TBC1D32: variants seen among roughly 807,000 people sequenced by gnomAD.
TBC1D32 encodes the protein TBC1 domain family member 32.
TBC1D32 carries 151 observed loss-of-function variants against 170.3 expected under a neutral mutation model. The ratio of observed to expected loss-of-function variants is 0.89; its 90% confidence interval spans 0.78 to 1.01. The LOEUF (loss-of-function observed/expected upper bound fraction) is 1.01, where lower values mean the gene tolerates loss of function less well. Ranked by LOEUF, TBC1D32 falls within the 50% of genes least tolerant of loss-of-function variation. The probability of loss-of-function intolerance (pLI) is 0.00; values close to 1 mark genes in which losing one functional copy is unlikely to be tolerated. For missense variants in TBC1D32, 1,464 were observed against 1,457.1 expected (o/e 1.00, Z -0.08); for synonymous variants, 498 against 488.0 (o/e 1.02, Z -0.27).
At position 121,185,715 on chromosome 6, in the gene TBC1D32, AAAC is replaced by A. The variant is rs530404108; in HGVS notation, c.2570+19357_2570+19359del. On this transcript the variant is annotated intron_variant, in intron 22 of 31. Transcript: ENST00000398212. ...TCCTTGGCTACTATGCTTTTCTATC[AAAC>A]ATTATCTTACTATGGACTTTCTAGG... 2.5e-3 allele frequency among the ~76,000 whole-genome samples: 373 copies of A among 152,198 alleles called. 1 individual carries two copies. Among genetic ancestry groups the A allele is most frequent in the Non-Finnish European group, 3.9e-3 (265 of 67,978 alleles).
chr6:121,293,859 C>T (rs1239214066), intron 11 of TBC1D32, among the ~76,000 whole-genome samples: 1 of 152,018 alleles, frequency 6.6e-6, no homozygotes, highest in Non-Finnish European at 1.5e-5. Context: ...TGCAGTGAGT[C>T]CAGATCATGC....
chr6:121,139,632 GA>G (rs571614631), intron 24 of TBC1D32: 189 of 152,034 alleles, frequency 1.2e-3, no homozygotes, highest in African/African-American at 4.4e-3. Flanking sequence ...TTGTTCTAGT[GA>G]AAAAAATAGA....
chr6:121,235,921 G>A (rs1005788592), intron 20 of TBC1D32, among the ~76,000 whole-genome samples: 12 of 152,158 alleles, frequency 7.9e-5, no homozygotes, highest in African/African-American at 2.9e-4. Flanking sequence ...TCTTAAAGAT[G>A]GCACATAGTT....
At position 121,282,753 on chromosome 6, in the gene TBC1D32, A is replaced by T. The variant is rs1803201646; in HGVS notation, c.1465+1065T>A. 2.6e-5 allele frequency among the ~76,000 whole-genome samples: 4 copies of T among 151,958 alleles called. No individual in the cohort carries two copies. In the South Asian group the frequency reaches 8.3e-4, roughly 31 times the overall value. On this transcript the variant is annotated intron_variant, in intron 13 of 31. Coordinates refer to ENST00000398212, the MANE Select transcript of TBC1D32 (RefSeq NM_152730.6). ...AAAGTAAATAAGACAAAAACAGTCC[A>T]CATCATGGTAAACCAATATATAAAC...
chr6:121,305,696 C>T (rs929978360), intron 5 of TBC1D32, among the ~76,000 whole-genome samples: 3 of 152,166 alleles, frequency 2.0e-5, no homozygotes, highest in East Asian at 1.9e-4. Context: ...GTTGCAGCAA[C>T]TGATAGGTAT....
At chr6:121,242,176 G>A in intron 18 of TBC1D32, 25 bp downstream of exon 18, 1 of 1,604,072 alleles carries the variant, frequency 6.2e-7, no homozygotes. Flanking sequence ...AATTCCCTTT[G>A]CCTTTGGCAG....
rs148545247 is a variant in TBC1D32, at chr6:121,305,536, TG to T, written c.691-704del. Among the ~76,000 whole-genome samples the T allele has an allele frequency of 1.2e-3, 189 of 151,606 alleles. 10 individuals are homozygous for T. The East Asian group carries it at 0.023, about 18-fold the overall frequency. ...TAAAATTGCCTTAAATAGTCTAATC[TG>T]GGGGGGGATTAATAACACTGTTGAT... is the stretch of plus-strand genomic sequence containing the variant. On this transcript the variant is annotated intron_variant, in intron 5 of 31. Coordinates refer to ENST00000398212, the MANE Select transcript of TBC1D32 (RefSeq NM_152730.6).
At chr6:121,227,889 T>C (rs1446440196) in intron 20 of TBC1D32, among the ~76,000 whole-genome samples, 1 of 152,150 alleles carries the variant, frequency 6.6e-6, no homozygotes, top group East Asian at 1.9e-4. Flanking sequence ...CTCCTACAAA[T>C]GTTTCATAGA....
chr6:121,107,027 A>G (rs17083168), intron 29 of TBC1D32, among the ~76,000 whole-genome samples: 3,760 of 152,026 alleles, frequency 0.025, 168 homozygotes, highest in East Asian at 0.13. Flanking sequence ...CTGTTCAACT[A>G]GCAATTATAT....
intron 13 of TBC1D32, 101 bp downstream of exon 13, chr6:121,283,717 C>T (rs1411398590): frequency 6.2e-6 from 5 of 809,348 alleles, no homozygotes; most frequent in Non-Finnish European, 9.8e-6. Context: ...ATGAAACCTA[C>T]TTACCAAAGT....
intron 12 of TBC1D32, among the ~76,000 whole-genome samples, chr6:121,288,198 A>C (rs1028460575): frequency 2.0e-5 from 3 of 152,228 alleles, no homozygotes; most frequent in Non-Finnish European, 4.4e-5. Context: ...TCTTCAAAAA[A>C]TCAATGAATC....
chr6:121,170,419 A>C (rs749185369), intron 22 of TBC1D32: 1 of 1,601,730 alleles, frequency 6.2e-7, no homozygotes, highest in South Asian at 1.1e-5. Flanking sequence ...GGCTCTCAGA[A>C]ATCTCCAAGA....
chr6:121,122,916 A>G (rs1049182763), intron 26 of TBC1D32, among the ~76,000 whole-genome samples: 20 of 152,072 alleles, frequency 1.3e-4, no homozygotes, highest in African/African-American at 4.6e-4. Context: ...AGGATAATGT[A>G]AGATCATGGG....
At chr6:121,273,344 C>T (rs1023997157) in intron 15 of TBC1D32, among the ~76,000 whole-genome samples, 2 of 151,610 alleles carry the variant, frequency 1.3e-5, no homozygotes, top group Non-Finnish European at 2.9e-5. Flanking sequence ...TTTGTAGGGA[C>T]ATGGATGAAG....
intron 29 of TBC1D32, among the ~76,000 whole-genome samples, chr6:121,109,861 T>C (rs1779038319): frequency 6.6e-6 from 1 of 152,154 alleles, no homozygotes; most frequent in South Asian, 2.1e-4. Context: ...TAAACCTTTT[T>C]AAGGTCATTT....
chr6:121,101,267 G>A (rs557254247), intron 30 of TBC1D32, among the ~76,000 whole-genome samples: 1 of 151,432 alleles, frequency 6.6e-6, no homozygotes, highest in Non-Finnish European at 1.5e-5. Context: ...TATCAAAGCC[G>A]GTCAGAGACA....
intron 30 of TBC1D32, among the ~76,000 whole-genome samples, chr6:121,097,717 C>T (rs1452725577): frequency 6.6e-6 from 1 of 152,168 alleles, no homozygotes; most frequent in African/African-American, 2.4e-5. Context: ...GATTATAAAT[C>T]ATGCTGCTAT....
intron 22 of TBC1D32, among the ~76,000 whole-genome samples, chr6:121,202,818 G>T (rs565646802): frequency 2.0e-4 from 30 of 151,388 alleles, no homozygotes; most frequent in South Asian, 1.7e-3. Flanking sequence ...AGATTTGTAA[G>T]ATCTTGGCAA....
At chr6:121,259,534 C>T (rs1261973987) in intron 15 of TBC1D32, among the ~76,000 whole-genome samples, 1 of 152,054 alleles carries the variant, frequency 6.6e-6, no homozygotes. Context: ...CATATACATT[C>T]ACTGCTCCCT....
Sources: allele counts gnomAD v4.1 joint callset (sites outside exome capture counted in the v4.1 genomes callset), GRCh38; gene constraint gnomAD v4.1.1; transcripts MANE v1.5; gene names NCBI Gene and HGNC (gene_info 2026-07-23, HGNC 2026-07-21).